The following TMCC3 variants were observed in gnomAD, a reference collection of about 807,000 sequenced individuals.
The protein encoded by TMCC3 is transmembrane and coiled-coil domain protein 3.
Under a neutral mutation model 40.2 loss-of-function variants are expected in TMCC3, and 28 were observed. The observed-to-expected ratio is 0.70, with a 90% confidence interval of 0.52 to 0.95. The LOEUF (loss-of-function observed/expected upper bound fraction) is 0.95. TMCC3 is among the 40% of genes least tolerant of loss of function. TMCC3 has a pLI of 0.00. For missense variants in TMCC3, 554 were observed against 615.2 expected (o/e 0.90, Z 1.05); for synonymous variants, 255 against 248.5 (o/e 1.03, Z -0.25).
At chr12:94,625,967 T>C (rs978595115) in intron 1 of TMCC3, among the ~76,000 whole-genome samples, 1 of 152,222 alleles carries the variant, frequency 6.6e-6, no homozygotes, top group Non-Finnish European at 1.5e-5. Context: ...GCTATAAAGA[T>C]ACTACCCGAG....
chr12:94,642,827 T>G (rs2068997840), intron 1 of TMCC3, among the ~76,000 whole-genome samples: 2 of 152,126 alleles, frequency 1.3e-5, no homozygotes, highest in Non-Finnish European at 2.9e-5. Flanking sequence ...CTCACAACAG[T>G]CCTCCAAGGG....
At chr12:94,642,376 C>T (rs910338131) in intron 1 of TMCC3, among the ~76,000 whole-genome samples, 1 of 152,236 alleles carries the variant, frequency 6.6e-6, no homozygotes, top group Admixed American at 6.5e-5. Flanking sequence ...AACTTTCCAA[C>T]CCTCTGCCTT....
rs908389636 is a variant in TMCC3, at chr12:94,570,245, C to T, written c.*1190G>A. ...AATCTAGCCACCATTCAGTCACACC[C>T]TACGTCCTCGTTTCCTCATGCTTTC... On this transcript the variant is annotated 3_prime_UTR_variant, in exon 4 of 4. Coordinates refer to ENST00000261226, the MANE Select transcript of TMCC3 (RefSeq NM_020698.4). 6.6e-6 allele frequency: 1 copy of T among 152,220 alleles called. No homozygotes were observed. Among genetic ancestry groups the T allele is most frequent in the Non-Finnish European group, 1.5e-5 (1 of 68,036 alleles). 9.4% of individuals were successfully genotyped at this position (152,220 alleles called of 1,614,324 possible).
intron 1 of TMCC3, among the ~76,000 whole-genome samples, chr12:94,619,962 G>A (rs965016949): frequency 7.9e-5 from 12 of 152,156 alleles, no homozygotes; most frequent in Middle Eastern, 3.4e-3. Flanking sequence ...TCGGGAGTTC[G>A]AGACCAGCTT....
chr12:94,624,780 G>A (rs1031630603), intron 1 of TMCC3, among the ~76,000 whole-genome samples: 4 of 152,034 alleles, frequency 2.6e-5, no homozygotes, highest in East Asian at 1.9e-4. Flanking sequence ...TACAACATGC[G>A]TGAACCTTTT....
At chr12:94,574,648 TATACTAGGCTACCAA>T (rs1162164446) in intron 3 of TMCC3, among the ~76,000 whole-genome samples, 1 of 152,244 alleles carries the variant, frequency 6.6e-6, no homozygotes, top group African/African-American at 2.4e-5. Flanking sequence ...TAACTTCTAT[TATACTAGGCTACCAA>T]CGAAAAGGAT....
intron 1 of TMCC3, among the ~76,000 whole-genome samples, chr12:94,640,374 G>A (rs2068983117): frequency 1.3e-5 from 2 of 152,060 alleles, no homozygotes; most frequent in Non-Finnish European, 2.9e-5. Flanking sequence ...TGTAGAGATG[G>A]GGTTTGGCCA....
At chr12:94,629,646 G>C (rs1399643733) in intron 1 of TMCC3, among the ~76,000 whole-genome samples, 2 of 152,188 alleles carry the variant, frequency 1.3e-5, no homozygotes, top group African/African-American at 2.4e-5. Flanking sequence ...AAAGCCAGGG[G>C]AGAATTCTAG....
At chr12:94,594,024 G>A (rs1009701222) in intron 1 of TMCC3, among the ~76,000 whole-genome samples, 2 of 152,102 alleles carry the variant, frequency 1.3e-5, no homozygotes, top group Non-Finnish European at 2.9e-5. Flanking sequence ...GGAAACTGTG[G>A]AGGGATGTGA....
chr12:94,598,255 T>C (rs1281904141), intron 1 of TMCC3, among the ~76,000 whole-genome samples: 6 of 152,226 alleles, frequency 3.9e-5, no homozygotes, highest in African/African-American at 1.4e-4. Context: ...GCTCCAGGAA[T>C]ATCCTACCTT....
intron 1 of TMCC3, among the ~76,000 whole-genome samples, chr12:94,615,564 G>A (rs548358733): frequency 1.3e-5 from 2 of 152,322 alleles, no homozygotes; most frequent in East Asian, 1.9e-4. Flanking sequence ...GGTTAGACCC[G>A]GGGTTACTTT....
chr12:94,644,428 C>T (rs556676428), intron 1 of TMCC3: 4 of 985,364 alleles, frequency 4.1e-6, no homozygotes, highest in Middle Eastern at 5.2e-4. Context: ...GGCAGAGGGT[C>T]TGAAGCAAAA....
At chr12:94,579,889 G>A (rs1191679704) in intron 2 of TMCC3, among the ~76,000 whole-genome samples, 1 of 152,196 alleles carries the variant, frequency 6.6e-6, no homozygotes, top group African/African-American at 2.4e-5. Flanking sequence ...GGGAGAAAAT[G>A]TGCATCTAGA....
chr12:94,604,437 G>A (rs1400379220), intron 1 of TMCC3, among the ~76,000 whole-genome samples: 1 of 152,084 alleles, frequency 6.6e-6, no homozygotes. Context: ...TGTGCTGAAA[G>A]AACTGGAGTC....
intron 1 of TMCC3, among the ~76,000 whole-genome samples, chr12:94,595,615 C>T (rs1399760582): frequency 6.6e-6 from 1 of 152,096 alleles, no homozygotes; most frequent in Non-Finnish European, 1.5e-5. Context: ...GGATGATTTG[C>T]AGTATAGAAT....
rs1035344327 is a variant in TMCC3 at position 94,569,549 on chromosome 12, T to C, written c.*1886A>G. ...CTTTATCACCAAAGATTTCATGAAA[T>C]GACATTTATTGTTTAAAAAAGCGTG... On this transcript the variant is annotated 3_prime_UTR_variant, in exon 4 of 4. Coordinates refer to ENST00000261226, the MANE Select transcript of TMCC3 (RefSeq NM_020698.4). 2 of 152,064 alleles carry C rather than the reference T, an allele frequency of 1.3e-5. No homozygotes were observed. Among genetic ancestry groups the C allele is most frequent in the African/African-American group, 2.4e-5 (1 of 41,378 alleles). The allele number at this position is 152,064 out of a possible 1,614,324, so 9.4% of individuals were successfully genotyped here.
At chr12:94,584,959 T>C (rs1187217894) in intron 1 of TMCC3, among the ~76,000 whole-genome samples, 1 of 152,026 alleles carries the variant, frequency 6.6e-6, no homozygotes, top group African/African-American at 2.4e-5. Context: ...TGTGGCTCAT[T>C]AGTGGACCCA....
At chr12:94,622,192 C>T (rs560403771) in intron 1 of TMCC3, among the ~76,000 whole-genome samples, 1 of 152,236 alleles carries the variant, frequency 6.6e-6, no homozygotes, top group African/African-American at 2.4e-5. Context: ...ACACCCATGG[C>T]CTGAAACCAG....
intron 3 of TMCC3, among the ~76,000 whole-genome samples, chr12:94,573,143 C>A (rs1331221332): frequency 6.6e-6 from 1 of 152,202 alleles, no homozygotes; most frequent in African/African-American, 2.4e-5. Flanking sequence ...CAGTGTCCTT[C>A]TTCTCAGAGT....
Sources: gnomAD v4.1 joint callset for allele counts (sites outside exome capture counted in the v4.1 genomes callset) on GRCh38, gnomAD v4.1.1 for gene constraint, MANE v1.5 for transcripts, NCBI Gene and HGNC (gene_info 2026-07-23, HGNC 2026-07-21) for gene names.